CEP350: variants seen among roughly 807,000 people sequenced by gnomAD.
CEP350 encodes the protein centrosomal protein 350.
Under a neutral mutation model 331.8 loss-of-function variants are expected in CEP350, and 126 were observed. That is an observed-to-expected ratio of 0.38 (90% confidence interval 0.33 to 0.44). The LOEUF (loss-of-function observed/expected upper bound fraction) is 0.44. CEP350 is among the 20% of genes least tolerant of loss of function. CEP350 has a pLI of 1.00. For synonymous variants in CEP350, 1,200 were observed against 1,259.5 expected (o/e 0.95, Z 1.00); for missense variants, 3,406 against 3,634.6 (o/e 0.94, Z 1.62).
At chr1:179,980,224 G>A (rs1423601587) in intron 1 of CEP350, among the ~76,000 whole-genome samples, 1 of 151,288 alleles carries the variant, frequency 6.6e-6, no homozygotes, top group African/African-American at 2.4e-5. Flanking sequence ...GTGTTTTACA[G>A]TTTCCTTTGT....
At chr1:180,090,922 ATT>A in intron 33 of CEP350, 126 bp downstream of exon 33, 1 of 758,640 alleles carries the variant, frequency 1.3e-6, no homozygotes, top group Non-Finnish European at 1.9e-6. Flanking sequence ...ATTATTTAAC[ATT>A]TTAAAGTTAC....
Position 179,957,070 on chromosome 1 carries a change from CACTT to C in CEP350, c.-14+1933_-14+1936del, listed in dbSNP as rs147965593. On this transcript the variant is annotated intron_variant, in intron 1 of 37. Coordinates refer to ENST00000367607, the MANE Select transcript of CEP350 (RefSeq NM_014810.5). Reference sequence around the variant, plus strand: ...TGACAAGTCATGAATTATGATGGATCACTTACTTCTTTATGTATATACTTTTTGC... The same window carrying C: ...TGACAAGTCATGAATTATGATGGATCACTTCTTTATGTATATACTTTTTGC... 1.8e-3 allele frequency among the ~76,000 whole-genome samples: 281 copies of C among 152,136 alleles called. 2 individuals are homozygous for C. The East Asian group carries it at 0.028, about 15-fold the overall frequency.
intron 36 of CEP350, 119 bp from the exon 37 acceptor site, chr1:180,098,744 T>C (rs935824277): frequency 1.2e-6 from 1 of 817,144 alleles, no homozygotes; most frequent in Non-Finnish European, 1.8e-6. Context: ...AAGAAATTTG[T>C]ATGATAATTT....
rs774314337 is a variant in CEP350 at position 179,997,019 on chromosome 1, C to T, written c.862C>T (p.Arg288Trp). ...HDVKLEKLKERIRKQWEHSEE... is the reference protein window; with the variant it reads ...HDVKLEKLKEWIRKQWEHSEE... ...TGTCAAACTGGAAAAACTTAAGGAA[C>T]GGATTAGAAAACAGTGGGAACACTC... is the stretch of plus-strand genomic sequence containing the variant. Residue 288 changes from arginine to tryptophan, a missense_variant, in exon 6 of 38, where the codon CGG (arginine) becomes TGG (tryptophan). Arg to Trp is a moderately radical substitution (Grantham distance 101, BLOSUM62 -3). Transcript: ENST00000367607. 6.2e-7 allele frequency: 1 copy of T among 1,613,890 alleles called. No homozygotes were observed. Among genetic ancestry groups the T allele is most frequent in the Non-Finnish European group, 8.5e-7 (1 of 1,179,876 alleles).
chr1:180,085,222 T>C (rs1659795450), intron 31 of CEP350, among the ~76,000 whole-genome samples: 1 of 152,136 alleles, frequency 6.6e-6, no homozygotes, highest in African/African-American at 2.4e-5. Context: ...GAATAGCTTC[T>C]AATTGATAAC....
intron 14 of CEP350, among the ~76,000 whole-genome samples, chr1:180,028,723 G>A (rs1479031653): frequency 6.6e-6 from 1 of 151,904 alleles, no homozygotes; most frequent in East Asian, 1.9e-4. Flanking sequence ...AGGATCAGTT[G>A]AGTCCCCAAA....
intron 25 of CEP350, among the ~76,000 whole-genome samples, chr1:180,057,193 G>C (rs1657908261): frequency 6.6e-6 from 1 of 151,278 alleles, no homozygotes; most frequent in African/African-American, 2.4e-5. Context: ...CTGCCTCTCG[G>C]GTACAAGTGA....
chr1:180,029,506 A>C (rs1655875451), intron 14 of CEP350, among the ~76,000 whole-genome samples: 1 of 152,214 alleles, frequency 6.6e-6, no homozygotes, highest in Non-Finnish European at 1.5e-5. Context: ...TTAAGTGTAC[A>C]GTTGAGTGGC....
At chr1:180,006,269 C>A (rs967091939) in intron 7 of CEP350, among the ~76,000 whole-genome samples, 185 bp from the exon 8 acceptor site, 2 of 152,046 alleles carry the variant, frequency 1.3e-5, no homozygotes, top group African/African-American at 4.8e-5. Context: ...CATATATTTT[C>A]CAACTCCTTT....
intron 1 of CEP350, among the ~76,000 whole-genome samples, chr1:179,979,184 C>G (rs937988799): frequency 1.3e-5 from 2 of 152,032 alleles, no homozygotes; most frequent in African/African-American, 4.8e-5. Context: ...ACATTCCCAC[C>G]AATAGTATGT....
At position 180,098,969 on chromosome 1, in the gene CEP350, G is replaced by A. The variant is rs376976473; in HGVS notation, c.9173G>A (p.Arg3058Gln). Residue 3058 changes from arginine to glutamine, a missense_variant, in exon 37 of 38, where the codon CGA (arginine) becomes CAA (glutamine). Physicochemically the swap from Arg to Gln is conservative, Grantham distance 43 (BLOSUM62 1). This residue lies in a region of CEP350 where 1,415 missense variants were observed against 1,512.3 expected (regional missense o/e 0.94). Transcript: ENST00000367607. ...AAATTTGGAAGAAAGAAAAGAGACC[G>A]AGTGGATCATATCCTGGTCAGTGTA... The part of the protein sequence containing the change: ...MMKFGRKKRD[R>Q]VDHILVQELH... The A allele has an allele frequency of 7.4e-6, 12 of 1,613,396 alleles. No homozygotes were observed. The highest frequency in any genetic ancestry group is 6.7e-5 in the African/African-American group (5 of 74,904).
Position 180,034,031 on chromosome 1 carries a change from C to G in CEP350, c.3895C>G (p.Leu1299Val). 2 of 1,613,894 alleles carry G rather than the reference C, an allele frequency of 1.2e-6. No homozygotes were observed. The highest frequency in any genetic ancestry group is 1.7e-6 in the Non-Finnish European group (2 of 1,179,814). ...TAAGCCTAATGCACCTCTCACTGATCTGAACCCGGCAGCCAGCAGAACAAC... is the reference window on the plus strand; with the variant it reads ...TAAGCCTAATGCACCTCTCACTGATGTGAACCCGGCAGCCAGCAGAACAAC... ...GFKPNAPLTD[L>V]NPAASRTTTE... Residue 1299 changes from leucine (L) to valine (V), a missense_variant, in exon 16 of 38, where the codon CTG becomes GTG. Leu to Val is a conservative substitution (Grantham distance 32). Around this residue, in one of 5 missense-constraint regions of CEP350, gnomAD observed 1,857 missense variants for 1,909.2 expected, o/e 0.97. Coordinates refer to ENST00000367607, the MANE Select transcript of CEP350 (RefSeq NM_014810.5).
At chr1:180,045,547 G>T (rs991092041) in intron 21 of CEP350, among the ~76,000 whole-genome samples, 3 of 152,088 alleles carry the variant, frequency 2.0e-5, no homozygotes, top group Non-Finnish European at 4.4e-5. Context: ...TGAAAATGTG[G>T]GAAAAGTACC....
At position 180,099,001 on chromosome 1, in the gene CEP350, C is replaced by A. The variant is rs1041515085; in HGVS notation, c.9189+16C>A. ...TCATATCCTGGTCAGTGTATACAAC[C>A]AAACTGTTTTTATTTTGACCATATC... On this transcript the variant is annotated intron_variant, in intron 37 of 37. Transcript: ENST00000367607. The A allele has an allele frequency of 1.9e-6, 3 of 1,600,790 alleles. No individual in the cohort carries two copies. The highest frequency in any genetic ancestry group is 1.1e-5 in the South Asian group (1 of 89,112).
At chr1:180,030,603 T>C (rs1323998317) in intron 14 of CEP350, among the ~76,000 whole-genome samples, 1 of 151,920 alleles carries the variant, frequency 6.6e-6, no homozygotes, top group African/African-American at 2.4e-5. Context: ...GATCTCTAGT[T>C]ACCTCATCAG....
At chr1:180,033,828 T>C (rs757227867) in intron 15 of CEP350, 34 bp from the exon 16 acceptor site, 37 of 1,593,602 alleles carry the variant, frequency 2.3e-5, no homozygotes, top group Non-Finnish European at 2.9e-5. Flanking sequence ...GTACTTTTCC[T>C]TCCTCTAATG....
At chr1:180,041,308 CT>C in intron 18 of CEP350, 60 bp downstream of exon 18, 1 of 1,194,278 alleles carries the variant, frequency 8.4e-7, no homozygotes, top group Non-Finnish European at 1.2e-6. Flanking sequence ...TTAGAAATTA[CT>C]TTAGCGTTCT....
At position 180,095,788 on chromosome 1, in the gene CEP350, T is replaced by A. The variant is rs1198014791; in HGVS notation, c.8777T>A (p.Leu2926His). 1 of 1,613,842 alleles carries A rather than the reference T, an allele frequency of 6.2e-7. No individual in the cohort carries two copies. The highest frequency in any genetic ancestry group is 1.7e-5 in the Admixed American group (1 of 60,000). Reference protein sequence around the residue: ...VPHTAEEVEILVHNAAEELWK... With the variant: ...VPHTAEEVEIHVHNAAEELWK... ...CATACTGCAGAAGAAGTAGAGATTC[T>A]TGTACATAATGCAGCAGAAGAACTT... Residue 2926 changes from leucine to histidine, a missense_variant, in exon 35 of 38, where the codon CTT (leucine) becomes CAT (histidine). By Grantham distance (99) the Leu-to-His change is moderately conservative. Coordinates refer to ENST00000367607, the MANE Select transcript of CEP350 (RefSeq NM_014810.5).
At chr1:179,991,176 GTTGAC>G (rs1021321216) in intron 4 of CEP350, among the ~76,000 whole-genome samples, 32 of 151,576 alleles carry the variant, frequency 2.1e-4, no homozygotes, top group African/African-American at 7.5e-4. Context: ...ATGAAATTTA[GTTGAC>G]TTAACGTATA....
Sources: allele counts gnomAD v4.1 joint callset (sites outside exome capture counted in the v4.1 genomes callset), GRCh38; gene constraint gnomAD v4.1.1; regional missense constraint gnomAD v4.1.1; transcripts MANE v1.5; gene names NCBI Gene and HGNC (gene_info 2026-07-23, HGNC 2026-07-21).